Variants in ITGBL1 observed in about 807,000 individuals in gnomAD.
The protein encoded by ITGBL1 is integrin beta-like protein 1.
Under a neutral mutation model 68.5 loss-of-function variants are expected in ITGBL1, and 51 were observed. The ratio of observed to expected loss-of-function variants is 0.74; its 90% confidence interval spans 0.59 to 0.94. The LOEUF is 0.94. Ranked by LOEUF, ITGBL1 falls within the 40% of genes least tolerant of loss-of-function variation. ITGBL1 has a pLI of 0.00. For synonymous variants in ITGBL1, 209 were observed against 227.3 expected (o/e 0.92, Z 0.72); for missense variants, 649 against 647.4 (o/e 1.00, Z -0.03).
intron 7 of ITGBL1, among the ~76,000 whole-genome samples, chr13:101,630,626 C>G (rs116051040): frequency 6.6e-6 from 1 of 152,318 alleles, no homozygotes; most frequent in African/African-American, 2.4e-5. Context: ...AGTTCTACAT[C>G]TATCATCATC....
At chr13:101,578,283 GC>G (rs2050397298) in intron 4 of ITGBL1, among the ~76,000 whole-genome samples, 1 of 152,140 alleles carries the variant, frequency 6.6e-6, no homozygotes. Flanking sequence ...AATCAGTTTT[GC>G]ATTGTCTTTT....
At chr13:101,454,406 C>G (rs1030149205) in intron 2 of ITGBL1, among the ~76,000 whole-genome samples, 1 of 45,874 alleles carries the variant, frequency 2.2e-5, no homozygotes, top group Admixed American at 2.4e-4. Context: ...TGGTCCCCCC[C>G]CCCCCCCCCA....
At chr13:101,454,399 T>TC (rs10524609) in intron 2 of ITGBL1, among the ~76,000 whole-genome samples, 3 of 135,860 alleles carry the variant, frequency 2.2e-5, no homozygotes, top group Admixed American at 1.5e-4. Flanking sequence ...CCCTGGCTGG[T>TC]CCCCCCCCCC....
At chr13:101,673,537 A>G (rs563333758) in intron 7 of ITGBL1, among the ~76,000 whole-genome samples, 18 of 152,342 alleles carry the variant, frequency 1.2e-4, no homozygotes, top group South Asian at 2.1e-4. Flanking sequence ...ACTCAAGAAA[A>G]TAGGCCACAT....
downstream of ITGBL1, chr13:101,718,378 CTA>C (rs903577394): frequency 2.0e-5 from 3 of 152,050 alleles, no homozygotes; most frequent in Admixed American, 6.6e-5. Flanking sequence ...ATTTTCAACT[CTA>C]TGATAGAAAC....
At chr13:101,645,735 A>C (rs1226912943) in intron 7 of ITGBL1, among the ~76,000 whole-genome samples, 1 of 152,218 alleles carries the variant, frequency 6.6e-6, no homozygotes, top group African/African-American at 2.4e-5. Flanking sequence ...GGATGGGCAT[A>C]GCATGAGGTT....
chr13:101,677,302 G>T (rs544852742), intron 7 of ITGBL1, among the ~76,000 whole-genome samples: 1 of 152,192 alleles, frequency 6.6e-6, no homozygotes, highest in African/African-American at 2.4e-5. Context: ...AATATGTGTA[G>T]GTCTATTTGT....
chr13:101,699,820 G>A (rs771878813), intron 8 of ITGBL1, among the ~76,000 whole-genome samples: 2 of 152,220 alleles, frequency 1.3e-5, no homozygotes, highest in Non-Finnish European at 2.9e-5. Flanking sequence ...AGTCGTGTTG[G>A]TGAGACAAAA....
intron 6 of ITGBL1, among the ~76,000 whole-genome samples, chr13:101,589,081 G>GC (rs1331163822): frequency 2.0e-5 from 3 of 152,092 alleles, no homozygotes; most frequent in Admixed American, 2.0e-4. Context: ...TATTTTGACA[G>GC]CACATGACTA....
chr13:101,495,327 G>C lies in ITGBL1; in HGVS notation c.316+41227G>C, dbSNP rs188756564. On this transcript the variant is annotated intron_variant, in intron 2 of 10. Transcript: ENST00000376180. ...GCTGGCCGTTGTCGTAGCTGTGAAC[G>C]AATTCACATTTGTTTCCCAGGCCCC... 6.6e-5 allele frequency among the ~76,000 whole-genome samples: 10 copies of C among 152,228 alleles called. No individual in the cohort carries two copies. The South Asian group carries it at 8.3e-4, about 13-fold the overall frequency.
chr13:101,558,786 C>A (rs9582508), intron 2 of ITGBL1, among the ~76,000 whole-genome samples: 2,673 of 152,114 alleles, frequency 0.018, 72 homozygotes, highest in African/African-American at 0.06. Flanking sequence ...ATATTGGGAC[C>A]AGAAAAATTA....
intron 7 of ITGBL1, among the ~76,000 whole-genome samples, chr13:101,639,236 C>T (rs1166568618): frequency 6.6e-6 from 1 of 152,136 alleles, no homozygotes; most frequent in Admixed American, 6.6e-5. Flanking sequence ...AAAATTCAGA[C>T]TTCTCATAGA....
At chr13:101,473,154 C>A (rs547249705) in intron 2 of ITGBL1, among the ~76,000 whole-genome samples, 1 of 152,214 alleles carries the variant, frequency 6.6e-6, no homozygotes, top group East Asian at 1.9e-4. Flanking sequence ...CCAAACTGAA[C>A]AATTATCCAT....
At chr13:101,675,171 T>C (rs955791598) in intron 7 of ITGBL1, among the ~76,000 whole-genome samples, 2 of 152,178 alleles carry the variant, frequency 1.3e-5, no homozygotes, top group Non-Finnish European at 2.9e-5. Flanking sequence ...GTCTTGTTGC[T>C]TTTTCCTTTG....
At chr13:101,554,728 G>T (rs1406604838) in intron 2 of ITGBL1, among the ~76,000 whole-genome samples, 1 of 152,190 alleles carries the variant, frequency 6.6e-6, no homozygotes, top group Non-Finnish European at 1.5e-5. Flanking sequence ...TTCCCTGTCT[G>T]TACTCCACCC....
chr13:101,500,728 G>A (rs1259101217), intron 2 of ITGBL1, among the ~76,000 whole-genome samples: 2 of 152,176 alleles, frequency 1.3e-5, no homozygotes, highest in African/African-American at 2.4e-5. Flanking sequence ...GTGGGAAGTA[G>A]CATTTTACAG....
chr13:101,675,939 C>T (rs1033768028), intron 7 of ITGBL1, among the ~76,000 whole-genome samples: 12 of 152,118 alleles, frequency 7.9e-5, no homozygotes, highest in African/African-American at 2.9e-4. Flanking sequence ...AGTCTACCAT[C>T]GAATATCCTT....
At chr13:101,514,807 T>C (rs1182205791) in intron 2 of ITGBL1, among the ~76,000 whole-genome samples, 1 of 152,068 alleles carries the variant, frequency 6.6e-6, no homozygotes, top group Non-Finnish European at 1.5e-5. Context: ...CCCTCACTTA[T>C]TCCAACTTAG....
At chr13:101,601,202 G>T (rs1309649540) in intron 7 of ITGBL1, among the ~76,000 whole-genome samples, 2 of 152,182 alleles carry the variant, frequency 1.3e-5, no homozygotes. Context: ...ATTTCTTCTA[G>T]ATTTTCTAGT....
Sources: allele counts gnomAD v4.1 joint callset (sites outside exome capture counted in the v4.1 genomes callset), GRCh38; gene constraint gnomAD v4.1.1; transcripts MANE v1.5; gene names NCBI Gene and HGNC (gene_info 2026-07-23, HGNC 2026-07-21).